SGK3: variants seen among roughly 807,000 people sequenced by gnomAD.
The protein encoded by SGK3 is serine/threonine-protein kinase Sgk3.
Under a neutral mutation model 68.5 loss-of-function variants are expected in SGK3, and 47 were observed. The ratio of observed to expected loss-of-function variants is 0.69; its 90% CI spans 0.54 to 0.87. SGK3 has a LOEUF of 0.87. Among genes scored for constraint, SGK3 ranks in the 40% least tolerant of loss-of-function variants. SGK3 has a pLI of 0.00. For missense variants in SGK3, 479 were observed against 575.5 expected (o/e 0.83, Z 1.72); for synonymous variants, 181 against 189.1 (o/e 0.96, Z 0.35).
intron 4 of SGK3, among the ~76,000 whole-genome samples, chr8:66,810,530 G>T (rs779928550): frequency 3.3e-5 from 5 of 152,032 alleles, no homozygotes; most frequent in African/African-American, 9.7e-5. Context: ...CTGAAACCTC[G>T]TCTCTACTAA....
At chr8:66,835,654 T>C (rs1809491598) in intron 8 of SGK3, 109 bp from the exon 9 acceptor site, 9 of 1,221,270 alleles carry the variant, frequency 7.4e-6, no homozygotes, top group South Asian at 1.7e-5. Context: ...AGGTCCCTTA[T>C]GGACTTTCTT....
chr8:66,723,031 A>G (rs1804841375), intron 1 of SGK3, among the ~76,000 whole-genome samples: 1 of 147,750 alleles, frequency 6.8e-6, no homozygotes, highest in Admixed American at 6.9e-5. Context: ...GGGCAGAAAC[A>G]AATATCCAAA....
chr8:66,845,173 C>A (rs923418661), intron 14 of SGK3, among the ~76,000 whole-genome samples: 5 of 152,118 alleles, frequency 3.3e-5, no homozygotes, highest in African/African-American at 9.7e-5. Flanking sequence ...CCAAGGCAGG[C>A]AGATCACCTT....
chr8:66,759,616 G>T lies in SGK3; in HGVS notation c.-121-34000G>T, dbSNP rs964404346. ...CTAGCTAATTTTCGTATTTTTAGTA[G>T]AGACGTTGTTTCACCATTTTGGCCA... On this transcript the variant is annotated intron_variant, in intron 1 of 16. Coordinates refer to ENST00000521198, the MANE Select transcript of SGK3 (RefSeq NM_001033578.3). Among the ~76,000 whole-genome samples the T allele has an allele frequency of 2.0e-5, 3 of 152,168 alleles. No homozygotes were observed. In the East Asian group the frequency reaches 5.8e-4, roughly 29 times the overall value.
chr8:66,766,591 A>G (rs1806326867), intron 1 of SGK3, among the ~76,000 whole-genome samples: 1 of 152,164 alleles, frequency 6.6e-6, no homozygotes, highest in Non-Finnish European at 1.5e-5. Context: ...TCTTCTATAT[A>G]CTTGCTGATT....
At chr8:66,803,192 A>ACAAGGTCATTTGTTTACGTATTTTT (rs1808017632) in intron 3 of SGK3, among the ~76,000 whole-genome samples, 1 of 152,228 alleles carries the variant, frequency 6.6e-6, no homozygotes, top group South Asian at 2.1e-4. Flanking sequence ...ATGAAAAACA[A>ACAAGGTCATTTGTTTACGTATTTTT]CAAGGTCATT....
intron 1 of SGK3, among the ~76,000 whole-genome samples, chr8:66,716,143 T>A (rs1804624469): frequency 6.6e-6 from 1 of 152,226 alleles, no homozygotes; most frequent in South Asian, 2.1e-4. Context: ...TCAGTGTCTC[T>A]GTTTTCCTTT....
chr8:66,800,978 A>G (rs1307096171), intron 3 of SGK3, among the ~76,000 whole-genome samples: 1 of 152,168 alleles, frequency 6.6e-6, no homozygotes, highest in East Asian at 1.9e-4. Flanking sequence ...CAAAACAAAA[A>G]CAAGAACAAA....
chr8:66,853,669 T>C (rs1013459974), intron 16 of SGK3, among the ~76,000 whole-genome samples: 1 of 152,224 alleles, frequency 6.6e-6, no homozygotes, highest in Admixed American at 6.5e-5. Flanking sequence ...AGTTTATTTC[T>C]CTGTTTACAA....
chr8:66,793,127 A>G (rs947412475), intron 1 of SGK3, among the ~76,000 whole-genome samples: 1 of 152,246 alleles, frequency 6.6e-6, no homozygotes, highest in African/African-American at 2.4e-5. Flanking sequence ...AGCATAGTAC[A>G]GTGGTTAAGA....
chr8:66,833,577 A>G (rs1809388321), intron 8 of SGK3, among the ~76,000 whole-genome samples: 1 of 152,246 alleles, frequency 6.6e-6, no homozygotes, highest in Admixed American at 6.5e-5. Flanking sequence ...CTGTAGATCA[A>G]TTTGGGAAGA....
intron 4 of SGK3, among the ~76,000 whole-genome samples, chr8:66,811,260 C>G (rs898194019): frequency 2.0e-5 from 3 of 152,172 alleles, no homozygotes; most frequent in African/African-American, 7.2e-5. Flanking sequence ...TCAAGTGATT[C>G]TTTTACCTAG....
At chr8:66,715,214 A>G (rs1222129370) in intron 1 of SGK3, among the ~76,000 whole-genome samples, 16 of 151,980 alleles carry the variant, frequency 1.1e-4, no homozygotes, top group Admixed American at 1.0e-3. Context: ...TAGAACGGAC[A>G]CATGGTATTT....
intron 1 of SGK3, among the ~76,000 whole-genome samples, chr8:66,745,429 C>T (rs1007289575): frequency 1.3e-5 from 2 of 151,980 alleles, no homozygotes; most frequent in African/African-American, 4.8e-5. Flanking sequence ...CAAAAATTAG[C>T]CAGGTGTGGT....
intron 12 of SGK3, 159 bp from the exon 13 acceptor site, chr8:66,840,865 C>T (rs1219946474): frequency 1.3e-5 from 5 of 384,320 alleles, no homozygotes; most frequent in African/African-American, 6.3e-5. Context: ...TCGCTTGAAC[C>T]CAGGAGGCAG....
chr8:66,734,757 G>A (rs1036983167), intron 1 of SGK3, among the ~76,000 whole-genome samples: 1 of 151,932 alleles, frequency 6.6e-6, no homozygotes, highest in African/African-American at 2.4e-5. Context: ...GACCATCCTG[G>A]CCAACATGGT....
chr8:66,839,780 C>G, intron 10 of SGK3: 1 of 468,822 alleles, frequency 2.1e-6, no homozygotes, highest in Non-Finnish European at 3.8e-6. Flanking sequence ...GTGACATTAG[C>G]AAGGGTAAAC....
chr8:66,841,176 G>A (rs1213601960), intron 13 of SGK3, 66 bp downstream of exon 13: 2 of 1,248,140 alleles, frequency 1.6e-6, no homozygotes, highest in South Asian at 1.9e-5. Context: ...ATTACAGATT[G>A]CATATATAAA....
chr8:66,840,332 T>C, intron 12 of SGK3, 85 bp downstream of exon 12: 1 of 1,245,954 alleles, frequency 8.0e-7, no homozygotes, highest in Non-Finnish European at 1.1e-6. Flanking sequence ...TCAGAGATTC[T>C]GTACTGCGTT....
Sources: allele counts gnomAD v4.1 joint callset (sites outside exome capture counted in the v4.1 genomes callset), GRCh38; gene constraint gnomAD v4.1.1; transcripts MANE v1.5; gene names NCBI Gene and HGNC (gene_info 2026-07-23, HGNC 2026-07-21).